The following TGFA variants were observed in gnomAD, a reference collection of about 807,000 sequenced individuals.
The protein encoded by TGFA is transforming growth factor alpha, also known as protransforming growth factor alpha.
In TGFA, 12 loss-of-function variants were observed where a neutral mutation model predicts 21.7. The observed-to-expected ratio is 0.55, with a 90% confidence interval of 0.35 to 0.90. TGFA has a LOEUF of 0.90. TGFA is among the 40% of genes least tolerant of loss of function. The pLI is 0.01. For synonymous variants in TGFA, 79 were observed against 88.1 expected (o/e 0.90, Z 0.58); for missense variants, 178 against 210.8 (o/e 0.84, Z 0.96).
At chr2:70,465,544 G>A in intron 3 of TGFA, 72 bp downstream of exon 3, 2 of 1,592,734 alleles carry the variant, frequency 1.3e-6, no homozygotes, top group Admixed American at 3.4e-5. Flanking sequence ...GTCTTATGGA[G>A]GTAAATGCTC....
intron 1 of TGFA, among the ~76,000 whole-genome samples, chr2:70,552,906 T>G (rs544032867): frequency 6.6e-6 from 1 of 152,200 alleles, no homozygotes; most frequent in Non-Finnish European, 1.5e-5. Flanking sequence ...GGGGCAAGAA[T>G]TGGCCAGGAG....
chr2:70,463,963 T>C (rs1670476945), intron 3 of TGFA, among the ~76,000 whole-genome samples: 1 of 152,216 alleles, frequency 6.6e-6, no homozygotes, highest in African/African-American at 2.4e-5. Flanking sequence ...TGTGGAGGCC[T>C]GTCATCTGGA....
At chr2:70,460,953 A>G (rs1351252376) in intron 3 of TGFA, among the ~76,000 whole-genome samples, 1 of 152,198 alleles carries the variant, frequency 6.6e-6, no homozygotes, top group Non-Finnish European at 1.5e-5. Flanking sequence ...GTGGCTAGTG[A>G]GACTGAGAAA....
At position 70,452,807 on chromosome 2, in the gene TGFA, T is replaced by A. The variant is rs1394583922; in HGVS notation, c.475+411A>T. 2.0e-5 allele frequency among the ~76,000 whole-genome samples: 3 copies of A among 151,860 alleles called. No homozygotes were observed. The East Asian group carries it at 5.8e-4, about 29-fold the overall frequency. On this transcript the variant is annotated intron_variant, in intron 5 of 5. Transcript: ENST00000295400. ...AAATACAAAAATTTTCTGGGCGTGG[T>A]GGTGGGCAGCCTGTAATCCCAGCTA...
intron 1 of TGFA, among the ~76,000 whole-genome samples, chr2:70,542,185 T>C (rs1449339659): frequency 6.6e-6 from 1 of 152,268 alleles, no homozygotes; most frequent in African/African-American, 2.4e-5. Flanking sequence ...TCCTTGTTAG[T>C]TGCTAAGAAC....
At chr2:70,463,265 A>G (rs1435808836) in intron 3 of TGFA, among the ~76,000 whole-genome samples, 3 of 152,188 alleles carry the variant, frequency 2.0e-5, no homozygotes, top group Admixed American at 6.5e-5. Context: ...CATGCCTGCC[A>G]TGAACTAAGC....
At chr2:70,534,662 A>G (rs2103913966) in intron 1 of TGFA, among the ~76,000 whole-genome samples, 2 of 151,718 alleles carry the variant, frequency 1.3e-5, no homozygotes, top group South Asian at 4.2e-4. Context: ...TGAACTGTTG[A>G]CTGAAGGAGG....
intron 1 of TGFA, among the ~76,000 whole-genome samples, chr2:70,547,866 G>T (rs1673364611): frequency 6.8e-6 from 1 of 147,954 alleles, no homozygotes; most frequent in Non-Finnish European, 1.5e-5. Flanking sequence ...TATATATAGA[G>T]AGATATATAT....
At chr2:70,526,917 C>T (rs1199856337) in intron 1 of TGFA, among the ~76,000 whole-genome samples, 1 of 152,192 alleles carries the variant, frequency 6.6e-6, no homozygotes, top group Non-Finnish European at 1.5e-5. Context: ...AAAAGGGTTT[C>T]AGGTTACTAA....
At chr2:70,546,522 G>T (rs1215227819) in intron 1 of TGFA, among the ~76,000 whole-genome samples, 2 of 152,066 alleles carry the variant, frequency 1.3e-5, no homozygotes, top group Non-Finnish European at 2.9e-5. Context: ...GGGCCAGGCT[G>T]GAGTGCAGTG....
intron 2 of TGFA, among the ~76,000 whole-genome samples, chr2:70,486,706 C>G (rs1181845384): frequency 6.6e-6 from 1 of 152,060 alleles, no homozygotes; most frequent in African/African-American, 2.4e-5. Context: ...AAGCTATCTG[C>G]CTGCCATGGC....
intron 2 of TGFA, among the ~76,000 whole-genome samples, chr2:70,497,472 T>C (rs1158096125): frequency 1.3e-5 from 2 of 152,196 alleles, no homozygotes; most frequent in East Asian, 1.9e-4. Context: ...CACAAAATAA[T>C]GAAAAGCACT....
At chr2:70,513,257 A>G (rs1672160774) in intron 2 of TGFA, among the ~76,000 whole-genome samples, 1 of 152,122 alleles carries the variant, frequency 6.6e-6, no homozygotes, top group East Asian at 1.9e-4. Context: ...CCAGAGGTCT[A>G]TCTGTAGGAG....
intron 5 of TGFA, 81 bp from the exon 6 acceptor site, chr2:70,450,947 G>A: frequency 6.6e-7 from 1 of 1,520,204 alleles, no homozygotes; most frequent in Non-Finnish European, 9.0e-7. Context: ...AAAGAGACTT[G>A]GAGATGGCAG....
At chr2:70,464,457 C>G (rs781823530) in intron 3 of TGFA, among the ~76,000 whole-genome samples, 2 of 152,184 alleles carry the variant, frequency 1.3e-5, no homozygotes, top group Non-Finnish European at 2.9e-5. Flanking sequence ...TGACTCTTAA[C>G]TGGGGGGCAA....
chr2:70,478,626 T>C (rs143303557), intron 2 of TGFA, among the ~76,000 whole-genome samples: 73 of 152,370 alleles, frequency 4.8e-4, no homozygotes, highest in African/African-American at 1.7e-3. Context: ...CAACTTTTTA[T>C]AACAGCCCCC....
intron 1 of TGFA, among the ~76,000 whole-genome samples, chr2:70,539,022 C>T (rs1553504859): frequency 6.6e-6 from 1 of 152,194 alleles, no homozygotes; most frequent in African/African-American, 2.4e-5. Context: ...CAGCCAACGA[C>T]ATCAAGGTGA....
At chr2:70,542,986 C>A (rs1003310299) in intron 1 of TGFA, among the ~76,000 whole-genome samples, 7 of 151,564 alleles carry the variant, frequency 4.6e-5, no homozygotes, top group Non-Finnish European at 1.0e-4. Flanking sequence ...GCCTGTAATC[C>A]CAGGTACTTG....
intron 3 of TGFA, among the ~76,000 whole-genome samples, chr2:70,463,482 G>A (rs1553491740): frequency 6.6e-6 from 1 of 152,104 alleles, no homozygotes; most frequent in Non-Finnish European, 1.5e-5. Flanking sequence ...GCTGAAGAGG[G>A]GGCTCTTCTG....
Sources: allele counts gnomAD v4.1 joint callset (sites outside exome capture counted in the v4.1 genomes callset), GRCh38; gene constraint gnomAD v4.1.1; transcripts MANE v1.5; gene names NCBI Gene and HGNC (gene_info 2026-07-23, HGNC 2026-07-21).